Variants in DCUN1D2 observed in about 807,000 individuals in gnomAD.
The protein encoded by DCUN1D2 is defective in cullin neddylation 1 domain containing 2.
A neutral mutation model predicts 30.9 loss-of-function variants in DCUN1D2; 29 were observed. The ratio of observed to expected loss-of-function variants is 0.94; its 90% CI spans 0.70 to 1.28. The LOEUF (loss-of-function observed/expected upper bound fraction) is 1.28. Among genes scored for constraint, DCUN1D2 ranks in the 50% most tolerant of loss-of-function variants. The pLI, the probability that DCUN1D2 is intolerant of heterozygous loss-of-function variation, is 0.00. For missense variants in DCUN1D2, 325 were observed against 316.9 expected (o/e 1.03, Z -0.19); for synonymous variants, 121 against 115.3 (o/e 1.05, Z -0.32).
In DCUN1D2 at chr13:113,457,841, C is replaced by T. The variant is rs755390326; in HGVS notation, c.*188G>A. The T allele has an allele frequency of 6.3e-5, 39 of 619,270 alleles. No individual in the cohort carries two copies. The highest frequency in any genetic ancestry group is 1.8e-4 in the Admixed American group (7 of 39,778). 38.4% of individuals were successfully genotyped at this position (619,270 alleles called of 1,614,324 possible). On this transcript the variant is annotated 3_prime_UTR_variant, in exon 7 of 7. Coordinates refer to ENST00000478244, the MANE Select transcript of DCUN1D2 (RefSeq NM_001014283.2). ...CAAACATCCCAAAGCAGCCGTGTCC[C>T]GAGGAACTTCCTGCGGTGTCCACAA...
At chr13:113,472,937 T>C (rs2044547518) in intron 4 of DCUN1D2, among the ~76,000 whole-genome samples, 2 of 151,962 alleles carry the variant, frequency 1.3e-5, no homozygotes, top group South Asian at 4.1e-4. Context: ...CCCGTCTCTC[T>C]CCCGTGTCCC....
chr13:113,464,634 C>T (rs1000521520), intron 4 of DCUN1D2, among the ~76,000 whole-genome samples: 1 of 152,244 alleles, frequency 6.6e-6, no homozygotes. Flanking sequence ...GCAGCCTCTG[C>T]AGGCCCAGTG....
rs151101835 is a variant in DCUN1D2, at chr13:113,469,144, GCACACA to G, written c.520+4974_520+4979del. On this transcript the variant is annotated intron_variant, in intron 4 of 6. Transcript: ENST00000478244. ...CGACATTTCTGTCTACTACACGCCT[GCACACA>G]CACACACACACACACACACACACAG... Among the ~76,000 whole-genome samples the G allele has an allele frequency of 4.0e-5, 6 of 148,156 alleles. No individual in the cohort carries two copies. In the South Asian group the frequency reaches 6.5e-4, roughly 16 times the overall value.
chr13:113,477,333 G>T (rs1377405394), intron 3 of DCUN1D2, among the ~76,000 whole-genome samples: 1 of 152,170 alleles, frequency 6.6e-6, no homozygotes, highest in African/African-American at 2.4e-5. Flanking sequence ...CTCTATGGGA[G>T]TATCACACAT....
chr13:113,489,824 G>A (rs950750356), intron 1 of DCUN1D2, among the ~76,000 whole-genome samples: 4 of 151,950 alleles, frequency 2.6e-5, no homozygotes, highest in Admixed American at 6.5e-5. Flanking sequence ...CTCAGCATCT[G>A]ACACCACTCC....
At chr13:113,463,191 T>C (rs1379761278) in intron 4 of DCUN1D2, 2 of 156,186 alleles carry the variant, frequency 1.3e-5, no homozygotes, top group Non-Finnish European at 2.8e-5. Context: ...GCTACATCTT[T>C]ATAGCAGCTA....
chr13:113,486,400 A>G (rs146655722), intron 1 of DCUN1D2, among the ~76,000 whole-genome samples: 21 of 152,352 alleles, frequency 1.4e-4, no homozygotes, highest in Non-Finnish European at 2.5e-4. Context: ...TACTGTGCTT[A>G]GTACCTGGTT....
At chr13:113,467,270 G>C (rs910301958) in intron 4 of DCUN1D2, among the ~76,000 whole-genome samples, 4 of 152,172 alleles carry the variant, frequency 2.6e-5, no homozygotes, top group East Asian at 1.9e-4. Context: ...GAAATATCTA[G>C]AGGACGTGAC....
Position 113,490,498 on chromosome 13 carries a change from A to G in DCUN1D2, c.3+169T>C. On this transcript the variant is annotated intron_variant, in intron 1 of 6. Coordinates refer to ENST00000478244, the MANE Select transcript of DCUN1D2 (RefSeq NM_001014283.2). This position sits in a 1 kb window ranked among gnomAD's most constrained non-coding sequence, Gnocchi z 5.2. ...CCCGCGGTCCCGCGCCTCCGACGCC[A>G]CCGCTCCGGCTCGCGGGCCCGCGGC... is the stretch of plus-strand genomic sequence containing the variant. The G allele has an allele frequency of 4.2e-6, 3 of 721,424 alleles. No individual in the cohort carries two copies. The highest frequency in any genetic ancestry group is 6.3e-5 in the South Asian group (2 of 31,854). 44.7% of individuals were successfully genotyped at this position (721,424 alleles called of 1,614,324 possible).
rs186860445 is a variant in DCUN1D2, at chr13:113,488,005, T to G, written c.3+2662A>C. On this transcript the variant is annotated intron_variant, in intron 1 of 6. Coordinates refer to ENST00000478244, the MANE Select transcript of DCUN1D2 (RefSeq NM_001014283.2). The surrounding 1 kb of genome is among the most constrained non-coding windows in gnomAD (Gnocchi z 4.3). Reference sequence around the variant, plus strand: ...TGTGCAAATCTGGAAGATATGATGGTGTCTGATCTTGAGCTCCTGCCGATA... The same window carrying G: ...TGTGCAAATCTGGAAGATATGATGGGGTCTGATCTTGAGCTCCTGCCGATA... Among the ~76,000 whole-genome samples, 3 of 152,298 alleles carry G rather than the reference T, an allele frequency of 2.0e-5. No homozygotes were observed. Among genetic ancestry groups the G allele is most frequent in the African/African-American group, 7.2e-5 (3 of 41,564 alleles).
rs1274005060 is a variant in DCUN1D2 at position 113,488,904 on chromosome 13, A to G, written c.3+1763T>C. Among the ~76,000 whole-genome samples the G allele has an allele frequency of 2.6e-5, 4 of 152,218 alleles. No individual in the cohort carries two copies. In the South Asian group the frequency reaches 8.3e-4, roughly 32 times the overall value. ...TTTCATTATTTCTGTTAAAATGTAC[A>G]CAATTCTTGAAATAAAAATCTGGAC... is the stretch of plus-strand genomic sequence containing the variant. On this transcript the variant is annotated intron_variant, in intron 1 of 6. Coordinates refer to ENST00000478244, the MANE Select transcript of DCUN1D2 (RefSeq NM_001014283.2). The surrounding 1 kb of genome is among the most constrained non-coding windows in gnomAD (Gnocchi z 4.3).
At chr13:113,458,636 T>C (rs1394601521) in intron 6 of DCUN1D2, among the ~76,000 whole-genome samples, 2 of 152,220 alleles carry the variant, frequency 1.3e-5, no homozygotes, top group African/African-American at 4.8e-5. Flanking sequence ...AAGCATTTAC[T>C]GGGTGCCCCT....
At chr13:113,463,536 A>C (rs577641334) in intron 4 of DCUN1D2, among the ~76,000 whole-genome samples, 45 of 152,226 alleles carry the variant, frequency 3.0e-4, no homozygotes, top group Middle Eastern at 3.4e-3. Flanking sequence ...CTTTAAAAAA[A>C]AAAAACAAAA....
At chr13:113,483,643 A>G (rs1479496214) in intron 2 of DCUN1D2, among the ~76,000 whole-genome samples, 197 bp downstream of exon 2, 2 of 137,396 alleles carry the variant, frequency 1.5e-5, no homozygotes, top group African/African-American at 5.6e-5. Flanking sequence ...CGCCCTCCCC[A>G]CCCCCACCAA....
At chr13:113,487,529 A>G (rs2044827980) in intron 1 of DCUN1D2, among the ~76,000 whole-genome samples, 2 of 152,216 alleles carry the variant, frequency 1.3e-5, no homozygotes, top group African/African-American at 4.8e-5. Flanking sequence ...CTCCAGCCAC[A>G]GTGCACGAGT....
chr13:113,465,706 G>A (rs990914632), intron 4 of DCUN1D2, among the ~76,000 whole-genome samples: 82 of 144,752 alleles, frequency 5.7e-4, no homozygotes, highest in African/African-American at 2.0e-3. Context: ...TGGCTCTGTC[G>A]CCCAGGCTGG....
intron 4 of DCUN1D2, among the ~76,000 whole-genome samples, chr13:113,462,239 C>T (rs1329501893): frequency 2.8e-5 from 4 of 141,764 alleles, no homozygotes; most frequent in Admixed American, 7.3e-5. Flanking sequence ...GCAACAAGAG[C>T]GAAACTCCGT....
chr13:113,466,273 T>C (rs1346363464), intron 4 of DCUN1D2, among the ~76,000 whole-genome samples: 6 of 152,232 alleles, frequency 3.9e-5, no homozygotes, highest in Non-Finnish European at 8.8e-5. Context: ...GCTTTAACTT[T>C]AATGACTATT....
At chr13:113,471,480 A>G (rs1035629324) in intron 4 of DCUN1D2, among the ~76,000 whole-genome samples, 2 of 152,272 alleles carry the variant, frequency 1.3e-5, no homozygotes, top group South Asian at 2.1e-4. Context: ...GCTTAAACCT[A>G]TAATTCAAGA....
Sources: allele counts gnomAD v4.1 joint callset (sites outside exome capture counted in the v4.1 genomes callset), GRCh38; gene constraint gnomAD v4.1.1; non-coding constraint Gnocchi (gnomAD v3.1); transcripts MANE v1.5; gene names NCBI Gene and HGNC (gene_info 2026-07-23, HGNC 2026-07-21).